RBMS3: variants seen among roughly 807,000 people sequenced by gnomAD.
The protein encoded by RBMS3 is RNA-binding motif, single-stranded-interacting protein 3.
A neutral mutation model predicts 66.8 loss-of-function variants in RBMS3; 27 were observed. That is an observed-to-expected ratio of 0.40 (90% confidence interval 0.30 to 0.56). RBMS3 has a LOEUF of 0.56. Among genes scored for constraint, RBMS3 ranks in the 20% least tolerant of loss-of-function variants. RBMS3 has a pLI of 0.40. For missense variants in RBMS3, 513 were observed against 549.5 expected, an observed-to-expected ratio of 0.93 and a Z score of 0.66; for synonymous variants, 188 against 183.0, an observed-to-expected ratio of 1.03 and a Z score of -0.22.
At chr3:29,824,995 A>G (rs2058169744) in intron 6 of RBMS3, among the ~76,000 whole-genome samples, 1 of 151,910 alleles carries the variant, frequency 6.6e-6, no homozygotes, top group African/African-American at 2.4e-5. Flanking sequence ...CATTGCCCCA[A>G]AGTCTTCAAA....
chr3:29,756,069 G>C, intron 5 of RBMS3, among the ~76,000 whole-genome samples: 1 of 152,214 alleles, frequency 6.6e-6, no homozygotes, highest in East Asian at 1.9e-4. Flanking sequence ...TGGCAAAGTG[G>C]CTTCATTTAA....
At chr3:29,960,947 T>C (rs1696392112) in intron 12 of RBMS3, among the ~76,000 whole-genome samples, 1 of 152,146 alleles carries the variant, frequency 6.6e-6, no homozygotes, top group South Asian at 2.1e-4. Context: ...TGACATGCCC[T>C]GGAGACATTT....
chr3:29,321,803 AG>A (rs1467975713), intron 1 of RBMS3, among the ~76,000 whole-genome samples: 2 of 151,842 alleles, frequency 1.3e-5, no homozygotes, highest in Non-Finnish European at 2.9e-5. Flanking sequence ...TATTCAGCTG[AG>A]GGCGGTAACT....
intron 1 of RBMS3, among the ~76,000 whole-genome samples, chr3:29,319,311 G>A (rs572077026): frequency 1.7e-4 from 26 of 152,040 alleles, no homozygotes; most frequent in African/African-American, 5.1e-4. Flanking sequence ...AAAAGTAAAG[G>A]CAGGACTCAT....
intron 4 of RBMS3, among the ~76,000 whole-genome samples, chr3:29,656,884 C>G (rs1304903481): frequency 6.6e-6 from 1 of 152,196 alleles, no homozygotes; most frequent in African/African-American, 2.4e-5. Context: ...GTTCATTTCT[C>G]TCTCAGATGT....
At chr3:29,891,385 G>C (rs1018861735) in intron 8 of RBMS3, among the ~76,000 whole-genome samples, 1 of 151,612 alleles carries the variant, frequency 6.6e-6, no homozygotes, top group African/African-American at 2.4e-5. Flanking sequence ...GAAGGGTAGA[G>C]AGAAGAAGCA....
intron 6 of RBMS3, among the ~76,000 whole-genome samples, chr3:29,849,715 G>A (rs913608860): frequency 1.3e-5 from 2 of 152,116 alleles, no homozygotes; most frequent in African/African-American, 4.8e-5. Context: ...CATCAGTGAA[G>A]AACTTGATTT....
chr3:29,666,781 G>A (rs9850247), intron 4 of RBMS3, among the ~76,000 whole-genome samples: 2 of 152,072 alleles, frequency 1.3e-5, no homozygotes, highest in African/African-American at 4.8e-5. Context: ...AAAAATAACT[G>A]GTTACTTTGT....
Position 29,991,142 on chromosome 3 carries a change from CAGCAGCAACAGAT to C in RBMS3, c.1246_1258del (p.Gln416TrpfsTer22). On this transcript the variant is annotated frameshift_variant, in exon 14 of 15. Coordinates refer to ENST00000383767, the MANE Select transcript of RBMS3 (RefSeq NM_001003793.3). LOFTEE classifies it high-confidence loss of function. ...ACCTTCATCCCAGGACACCAGTGGT[CAGCAGCAACAGAT>C]AGCAGTGGACACATCCAACGAACAT... The C allele has an allele frequency of 6.2e-7, 1 of 1,614,152 alleles. No individual in the cohort carries two copies. The highest frequency in any genetic ancestry group is 2.2e-5 in the East Asian group (1 of 44,874).
At chr3:29,352,773 A>T (rs761052056) in intron 1 of RBMS3, among the ~76,000 whole-genome samples, 16 of 151,978 alleles carry the variant, frequency 1.1e-4, no homozygotes, top group Non-Finnish European at 2.1e-4. Flanking sequence ...TGTAGTTTCT[A>T]TCATTCTACT....
intron 14 of RBMS3, among the ~76,000 whole-genome samples, chr3:30,002,481 C>G (rs1409065468): frequency 6.6e-6 from 1 of 151,926 alleles, no homozygotes; most frequent in Non-Finnish European, 1.5e-5. Context: ...TGGAGTAAGT[C>G]TATAGTTTGC....
intron 5 of RBMS3, among the ~76,000 whole-genome samples, chr3:29,752,340 G>A (rs533508330): frequency 6.6e-6 from 1 of 152,218 alleles, no homozygotes; most frequent in South Asian, 2.1e-4. Context: ...GGTACAGGGT[G>A]GAGGGTGGGG....
At chr3:29,376,298 C>T (rs983401004) in intron 1 of RBMS3, among the ~76,000 whole-genome samples, 1 of 152,086 alleles carries the variant, frequency 6.6e-6, no homozygotes, top group Non-Finnish European at 1.5e-5. Context: ...CTCTGGAGCA[C>T]GTTTAACAAT....
rs367865228 is a variant in RBMS3 at position 29,753,751 on chromosome 3, C to T, written c.558-9159C>T. On this transcript the variant is annotated intron_variant, in intron 5 of 14. Coordinates refer to ENST00000383767, the MANE Select transcript of RBMS3 (RefSeq NM_001003793.3). ...GTACGATTGCCCATAATCATATTTC[C>T]TTTTTGAATGATAAAAAAGACCCAG... 7.9e-5 allele frequency among the ~76,000 whole-genome samples: 12 copies of T among 152,156 alleles called. No homozygotes were observed. In the East Asian group the frequency reaches 9.7e-4, roughly 12 times the overall value.
At chr3:29,444,133 T>A (rs2041729467) in intron 2 of RBMS3, among the ~76,000 whole-genome samples, 1 of 152,116 alleles carries the variant, frequency 6.6e-6, no homozygotes, top group South Asian at 2.1e-4. Context: ...ATGGGAGCCA[T>A]AAGCATTATA....
chr3:29,335,077 T>A (rs2125522774), intron 1 of RBMS3, among the ~76,000 whole-genome samples: 1 of 152,138 alleles, frequency 6.6e-6, no homozygotes, highest in African/African-American at 2.4e-5. Flanking sequence ...GCTGTTAACA[T>A]ACTGGAAAAT....
intron 3 of RBMS3, among the ~76,000 whole-genome samples, chr3:29,547,878 C>T (rs1289314431): frequency 2.8e-5 from 4 of 141,536 alleles, no homozygotes; most frequent in Non-Finnish European, 6.0e-5. Flanking sequence ...GTGGCACAAT[C>T]TCAGTTCACA....
At chr3:29,855,197 A>T (rs2059039562) in intron 6 of RBMS3, among the ~76,000 whole-genome samples, 1 of 152,178 alleles carries the variant, frequency 6.6e-6, no homozygotes, top group Non-Finnish European at 1.5e-5. Context: ...TCTGTTAGTT[A>T]GGGAAATTTT....
Position 29,343,812 on chromosome 3 carries a change from C to G in RBMS3, c.75+62056C>G, listed in dbSNP as rs536121076. Among the ~76,000 whole-genome samples the G allele has an allele frequency of 7.9e-5, 12 of 152,304 alleles. No homozygotes were observed. In the South Asian group the frequency reaches 2.3e-3, roughly 29 times the overall value. On this transcript the variant is annotated intron_variant, in intron 1 of 14. Coordinates refer to ENST00000383767, the MANE Select transcript of RBMS3 (RefSeq NM_001003793.3). ...GGTCACAACTAGTAAGTAGCAGAGA[C>G]AGAATTTGAACTAAGACCGTTCTCT...
Sources: allele counts gnomAD v4.1 joint callset (sites outside exome capture counted in the v4.1 genomes callset), GRCh38; gene constraint gnomAD v4.1.1; transcripts MANE v1.5; gene names NCBI Gene and HGNC (gene_info 2026-07-23, HGNC 2026-07-21).